Variants in COG5 observed in about 807,000 individuals in gnomAD.
COG5 encodes the protein component of oligomeric golgi complex 5, also known as conserved oligomeric Golgi complex subunit 5.
Under a neutral mutation model 110.4 loss-of-function variants are expected in COG5, and 86 were observed. That is an observed-to-expected ratio of 0.78 (90% CI 0.65 to 0.93). COG5 has a LOEUF of 0.93. Ranked by LOEUF, COG5 falls within the 40% of genes least tolerant of loss-of-function variation. The pLI is 0.00. For synonymous variants in COG5, 360 were observed against 334.6 expected (o/e 1.08, Z -0.83); for missense variants, 1,077 against 987.0 (o/e 1.09, Z -1.22).
intron 11 of COG5, among the ~76,000 whole-genome samples, chr7:107,300,755 ATG>A (rs1024170836): frequency 6.6e-6 from 1 of 152,188 alleles, no homozygotes; most frequent in Non-Finnish European, 1.5e-5. Context: ...TATATATTAA[ATG>A]TAATCTAATT....
At position 107,494,422 on chromosome 7, in the gene COG5, G is replaced by A. The variant is rs554746175; in HGVS notation, c.538+32815C>T. Among the ~76,000 whole-genome samples, 73 of 152,282 alleles carry A rather than the reference G, an allele frequency of 4.8e-4. 2 individuals are homozygous for A. The South Asian group carries it at 9.9e-3, about 21-fold the overall frequency. On this transcript the variant is annotated intron_variant, in intron 6 of 21. Transcript: ENST00000297135. ...AGTGGTCCCATAAGATTATAATGGAGCTGAGAATTTCCTATTGCCTACGAT... is the reference window on the plus strand; with the variant it reads ...AGTGGTCCCATAAGATTATAATGGAACTGAGAATTTCCTATTGCCTACGAT...
At chr7:107,429,891 C>T (rs144453261) in intron 6 of COG5, among the ~76,000 whole-genome samples, 296 of 152,264 alleles carry the variant, frequency 1.9e-3, no homozygotes, top group Non-Finnish European at 3.4e-3. Context: ...AAACCTCTTT[C>T]TTTTGTAAAT....
chr7:107,528,847 C>G (rs1437078398), intron 5 of COG5, among the ~76,000 whole-genome samples: 4 of 152,004 alleles, frequency 2.6e-5, no homozygotes, highest in African/African-American at 9.7e-5. Context: ...AATACATACA[C>G]CAGAGCCACA....
At chr7:107,299,388 A>T (rs1807045385) in intron 11 of COG5, among the ~76,000 whole-genome samples, 1 of 152,124 alleles carries the variant, frequency 6.6e-6, no homozygotes. Context: ...AGGGTAATAA[A>T]GGAATTATGA....
At chr7:107,342,293 G>A (rs557232691) in intron 10 of COG5, among the ~76,000 whole-genome samples, 35 of 133,480 alleles carry the variant, frequency 2.6e-4, no homozygotes, top group Non-Finnish European at 5.0e-4. Flanking sequence ...GATCATTAGA[G>A]AAATGCAAAT....
intron 6 of COG5, among the ~76,000 whole-genome samples, chr7:107,514,207 A>T (rs1005676700): frequency 6.6e-6 from 1 of 152,076 alleles, no homozygotes; most frequent in Non-Finnish European, 1.5e-5. Flanking sequence ...GCTTGATTAT[A>T]CTTTTAAAAA....
Position 107,432,328 on chromosome 7 carries a change from CA to C in COG5, c.539-19697del, listed in dbSNP as rs1414445899. The stretch of plus-strand genomic sequence containing the variant: ...AAAAAGTAAACACAGAGAGGTCAGA[CA>C]AAACATTGCTGGGTTAAAATAAAAT... On this transcript the variant is annotated intron_variant, in intron 6 of 21. Transcript: ENST00000297135. Among the ~76,000 whole-genome samples the C allele has an allele frequency of 3.3e-5, 5 of 152,220 alleles. No homozygotes were observed. In the East Asian group the frequency reaches 7.7e-4, roughly 23 times the overall value.
At chr7:107,543,221 C>T (rs182263706) in intron 5 of COG5, among the ~76,000 whole-genome samples, 25 of 152,098 alleles carry the variant, frequency 1.6e-4, no homozygotes, top group African/African-American at 4.1e-4. Context: ...CATTACAGCA[C>T]GTGAATACAG....
chr7:107,211,550 A>G (rs1172625333), intron 19 of COG5, among the ~76,000 whole-genome samples: 1 of 152,236 alleles, frequency 6.6e-6, no homozygotes, highest in Non-Finnish European at 1.5e-5. Context: ...GAACAAGAGT[A>G]AAGCCTTCAA....
At chr7:107,231,244 T>C (rs1213697739) in intron 18 of COG5, among the ~76,000 whole-genome samples, 1 of 152,190 alleles carries the variant, frequency 6.6e-6, no homozygotes. Context: ...ACCTACTTAA[T>C]AGAATAATGC....
intron 8 of COG5, among the ~76,000 whole-genome samples, chr7:107,368,221 G>A (rs1007898581): frequency 2.0e-5 from 3 of 151,826 alleles, no homozygotes; most frequent in Admixed American, 6.6e-5. Context: ...TATTTCTTAT[G>A]AAGAAGCATT....
intron 11 of COG5, among the ~76,000 whole-genome samples, chr7:107,318,448 A>T (rs1172030414): frequency 2.0e-5 from 3 of 152,206 alleles, no homozygotes; most frequent in African/African-American, 4.8e-5. Flanking sequence ...GTTTTAAAAA[A>T]CTTTTTAGAG....
chr7:107,375,299 T>C (rs1814534426), intron 7 of COG5, among the ~76,000 whole-genome samples: 1 of 152,058 alleles, frequency 6.6e-6, no homozygotes. Context: ...ACTTCTACCT[T>C]TAGGTATTTT....
chr7:107,491,409 T>G (rs1160023676), intron 6 of COG5, among the ~76,000 whole-genome samples: 1 of 152,124 alleles, frequency 6.6e-6, no homozygotes, highest in Non-Finnish European at 1.5e-5. Context: ...TTACTCCACA[T>G]AGACTGCTGA....
At chr7:107,265,247 T>C (rs1380540613) in intron 14 of COG5, among the ~76,000 whole-genome samples, 1 of 152,190 alleles carries the variant, frequency 6.6e-6, no homozygotes, top group African/African-American at 2.4e-5. Context: ...TACTTTTTAA[T>C]CTACCGATCT....
chr7:107,428,468 A>G (rs1370637591), intron 6 of COG5, among the ~76,000 whole-genome samples: 1 of 152,130 alleles, frequency 6.6e-6, no homozygotes, highest in Non-Finnish European at 1.5e-5. Context: ...TGACACATTT[A>G]TAAGTCAAGC....
chr7:107,500,954 C>T (rs935867070), intron 6 of COG5, among the ~76,000 whole-genome samples: 9 of 152,110 alleles, frequency 5.9e-5, no homozygotes, highest in Non-Finnish European at 1.0e-4. Context: ...CAGCCTTTAG[C>T]AATCTTAATT....
chr7:107,283,020 G>A (rs927828843), intron 13 of COG5, among the ~76,000 whole-genome samples: 2 of 152,168 alleles, frequency 1.3e-5, no homozygotes, highest in Non-Finnish European at 2.9e-5. Flanking sequence ...TTTTAAATAA[G>A]TGTCTAAAGC....
intron 6 of COG5, among the ~76,000 whole-genome samples, chr7:107,415,151 T>C (rs1291280476): frequency 6.6e-6 from 1 of 152,188 alleles, no homozygotes; most frequent in African/African-American, 2.4e-5. Flanking sequence ...AGCACTAAAT[T>C]ATTTATTCAG....
Sources: gnomAD v4.1 joint callset for allele counts (sites outside exome capture counted in the v4.1 genomes callset) on GRCh38, gnomAD v4.1.1 for gene constraint, MANE v1.5 for transcripts, NCBI Gene and HGNC (gene_info 2026-07-23, HGNC 2026-07-21) for gene names.